Variants in ANKS1B observed in about 807,000 individuals in gnomAD.
ANKS1B encodes ankyrin repeat and sterile alpha motif domain-containing protein 1B.
Under a neutral mutation model 148.3 loss-of-function variants are expected in ANKS1B, and 36 were observed. The ratio of observed to expected loss-of-function variants is 0.24; its 90% CI spans 0.19 to 0.32. ANKS1B has a LOEUF of 0.32. ANKS1B is among the 10% of genes least tolerant of loss of function. ANKS1B has a pLI of 1.00. For synonymous variants in ANKS1B, 542 were observed against 560.8 expected (o/e 0.97, Z 0.47); for missense variants, 1,157 against 1,542.6 (o/e 0.75, Z 4.19).
intron 1 of ANKS1B, among the ~76,000 whole-genome samples, chr12:99,913,917 T>C (rs1168442599): frequency 6.6e-6 from 1 of 152,202 alleles, no homozygotes; most frequent in Non-Finnish European, 1.5e-5. Context: ...GCTCTTGCTT[T>C]ACAACTGTAA....
intron 9 of ANKS1B, among the ~76,000 whole-genome samples, chr12:99,593,423 T>C (rs11109934): frequency 0.18 from 27,276 of 152,070 alleles, 3,022 homozygotes; most frequent in East Asian, 0.42. Flanking sequence ...AGCACAATAA[T>C]ATAATTTATA....
chr12:99,622,417 C>A (rs2098064724), intron 9 of ANKS1B, among the ~76,000 whole-genome samples: 1 of 151,446 alleles, frequency 6.6e-6, no homozygotes, highest in East Asian at 1.9e-4. Flanking sequence ...AAAAGTGAGA[C>A]CCCAAAAGTC....
intron 15 of ANKS1B, among the ~76,000 whole-genome samples, chr12:99,134,025 C>T (rs1453391029): frequency 1.3e-5 from 2 of 152,136 alleles, no homozygotes; most frequent in African/African-American, 4.8e-5. Context: ...TGAATCTAGG[C>T]AGAATCTACC....
At chr12:99,359,396 C>T (rs1485370457) in intron 12 of ANKS1B, among the ~76,000 whole-genome samples, 2 of 152,008 alleles carry the variant, frequency 1.3e-5, no homozygotes, top group African/African-American at 4.8e-5. Context: ...TGCTTACTAC[C>T]TATGTGGCTT....
At chr12:99,337,452 CTCTG>C (rs1005682483) in intron 12 of ANKS1B, among the ~76,000 whole-genome samples, 4 of 152,060 alleles carry the variant, frequency 2.6e-5, no homozygotes, top group African/African-American at 9.7e-5. Context: ...ATTTGGAATT[CTCTG>C]TCTGAAAGGT....
chr12:99,412,934 G>A (rs927223497), intron 11 of ANKS1B, among the ~76,000 whole-genome samples: 3 of 152,150 alleles, frequency 2.0e-5, no homozygotes, highest in Non-Finnish European at 4.4e-5. Flanking sequence ...TTTAAGTGAA[G>A]TACAATTTTT....
At chr12:99,365,957 T>A (rs967841479) in intron 12 of ANKS1B, among the ~76,000 whole-genome samples, 1 of 152,184 alleles carries the variant, frequency 6.6e-6, no homozygotes, top group Non-Finnish European at 1.5e-5. Context: ...ATAAACAATT[T>A]TTTACATCCT....
chr12:99,843,494 G>A (rs934598569), intron 1 of ANKS1B, among the ~76,000 whole-genome samples: 1 of 152,204 alleles, frequency 6.6e-6, no homozygotes, highest in Non-Finnish European at 1.5e-5. Flanking sequence ...ACTTATAAGT[G>A]AGAACATGTG....
intron 9 of ANKS1B, among the ~76,000 whole-genome samples, chr12:99,576,458 C>T (rs2097521321): frequency 6.6e-6 from 1 of 152,142 alleles, no homozygotes; most frequent in East Asian, 1.9e-4. Context: ...ACAGCACATA[C>T]TCTAAGATCA....
chr12:99,818,510 C>T (rs1388440555), intron 2 of ANKS1B, among the ~76,000 whole-genome samples: 4 of 151,822 alleles, frequency 2.6e-5, no homozygotes, highest in Non-Finnish European at 5.9e-5. Flanking sequence ...TAATCAATAT[C>T]TGTAAAATAG....
intron 9 of ANKS1B, among the ~76,000 whole-genome samples, chr12:99,616,646 T>C (rs2153361581): frequency 6.6e-6 from 1 of 152,276 alleles, no homozygotes; most frequent in Admixed American, 6.5e-5. Flanking sequence ...TAACTCAAGA[T>C]GGATTAAAGA....
chr12:99,519,559 T>C (rs1223950387), intron 9 of ANKS1B, among the ~76,000 whole-genome samples: 2 of 152,204 alleles, frequency 1.3e-5, no homozygotes, highest in African/African-American at 4.8e-5. Flanking sequence ...TCTTTTTTGG[T>C]TTCCAGTGGC....
At chr12:99,056,115 C>T (rs1229182727) in intron 16 of ANKS1B, among the ~76,000 whole-genome samples, 1 of 152,170 alleles carries the variant, frequency 6.6e-6, no homozygotes, top group Non-Finnish European at 1.5e-5. Flanking sequence ...CATCCGCCCA[C>T]TCATTCAATA....
intron 9 of ANKS1B, among the ~76,000 whole-genome samples, chr12:99,573,348 A>T (rs889238659): frequency 6.6e-6 from 1 of 152,104 alleles, no homozygotes; most frequent in African/African-American, 2.4e-5. Context: ...ATATCTAGAC[A>T]TACATTGACA....
At chr12:98,777,323 A>C (rs1448352115) in intron 24 of ANKS1B, among the ~76,000 whole-genome samples, 5 of 152,354 alleles carry the variant, frequency 3.3e-5, no homozygotes, top group African/African-American at 1.2e-4. Context: ...AATTTTTAAA[A>C]ACTCAAAAAA....
chr12:99,563,236 C>G (rs1275377858), intron 9 of ANKS1B, among the ~76,000 whole-genome samples: 1 of 152,112 alleles, frequency 6.6e-6, no homozygotes, highest in Non-Finnish European at 1.5e-5. Context: ...AGAACTTTTC[C>G]TTTGCGTTTA....
intron 9 of ANKS1B, among the ~76,000 whole-genome samples, chr12:99,508,665 T>C (rs1161238939): frequency 2.0e-5 from 3 of 151,908 alleles, no homozygotes; most frequent in Non-Finnish European, 4.4e-5. Flanking sequence ...TCCTATCATA[T>C]TGAAATTTTA....
intron 14 of ANKS1B, among the ~76,000 whole-genome samples, chr12:99,189,592 A>T (rs2080358706): frequency 6.6e-6 from 1 of 152,228 alleles, no homozygotes; most frequent in African/African-American, 2.4e-5. Flanking sequence ...CAATGACAAA[A>T]ACCACAATTG....
At chr12:99,003,282 G>C (rs938310987) in intron 17 of ANKS1B, among the ~76,000 whole-genome samples, 1 of 152,098 alleles carries the variant, frequency 6.6e-6, no homozygotes, top group African/African-American at 2.4e-5. Context: ...CTCTAGCTTT[G>C]TTCTTTCTCA....
Sources: gnomAD v4.1 joint callset for allele counts (sites outside exome capture counted in the v4.1 genomes callset) on GRCh38, gnomAD v4.1.1 for gene constraint, MANE v1.5 for transcripts, NCBI Gene and HGNC (gene_info 2026-07-23, HGNC 2026-07-21) for gene names.